RSU1: variants seen among roughly 807,000 people sequenced by gnomAD.
RSU1 encodes the protein Ras suppressor protein 1.
Under a neutral mutation model 31.1 loss-of-function variants are expected in RSU1, and 26 were observed. The observed-to-expected ratio is 0.84, with a 90% CI of 0.61 to 1.16. The LOEUF (loss-of-function observed/expected upper bound fraction) is 1.16. RSU1 is among the 50% of genes most tolerant of loss of function. The pLI is 0.00. For missense variants in RSU1, 320 were observed against 339.1 expected, an observed-to-expected ratio of 0.94 and a Z score of 0.44; for synonymous variants, 164 against 136.3, an observed-to-expected ratio of 1.20 and a Z score of -1.41.
intron 2 of RSU1, among the ~76,000 whole-genome samples, chr10:16,791,072 G>C (rs367744301): frequency 2.8e-4 from 43 of 152,246 alleles, no homozygotes; most frequent in African/African-American, 8.9e-4. Context: ...CAAAGAACTA[G>C]CTGGAGTGCA....
At position 16,811,566 on chromosome 10, in the gene RSU1, G is replaced by A. The variant is rs555294051; in HGVS notation, c.109+5407C>T. Among the ~76,000 whole-genome samples, 1,194 of 152,318 alleles carry A rather than the reference G, an allele frequency of 7.8e-3. 22 individuals are homozygous for A. The highest frequency in any genetic ancestry group is 0.028 in the African/African-American group (1,154 of 41,558). On this transcript the variant is annotated intron_variant, in intron 2 of 8. Coordinates refer to ENST00000345264, the MANE Select transcript of RSU1 (RefSeq NM_012425.4). ...TACAAAAAAGCCACCAGGGCCACTA[G>A]AGCCAGAATGTCAGAGGACTGACAA...
intron 3 of RSU1, among the ~76,000 whole-genome samples, chr10:16,768,022 C>T (rs1294326393): frequency 6.6e-6 from 1 of 152,210 alleles, no homozygotes; most frequent in African/African-American, 2.4e-5. Context: ...TAGATATCTA[C>T]AGGATGCATG....
chr10:16,710,167 T>C (rs1835987828), intron 7 of RSU1, among the ~76,000 whole-genome samples: 1 of 152,226 alleles, frequency 6.6e-6, no homozygotes. Flanking sequence ...TGACATTTAC[T>C]GTGTTAAGGT....
At chr10:16,631,671 T>C (rs898983572) in intron 8 of RSU1, among the ~76,000 whole-genome samples, 23 of 152,358 alleles carry the variant, frequency 1.5e-4, no homozygotes, top group Admixed American at 1.3e-4. Flanking sequence ...TTTTACCTGG[T>C]GGGACAATTC....
At chr10:16,774,210 A>G (rs1470718505) in intron 3 of RSU1, among the ~76,000 whole-genome samples, 1 of 152,220 alleles carries the variant, frequency 6.6e-6, no homozygotes, top group African/African-American at 2.4e-5. Context: ...AAGCAGATTA[A>G]TAAGATGGCA....
At chr10:16,719,858 A>C (rs372611394) in intron 7 of RSU1, among the ~76,000 whole-genome samples, 11 of 152,364 alleles carry the variant, frequency 7.2e-5, no homozygotes, top group African/African-American at 2.4e-4. Flanking sequence ...CCTTAAATGA[A>C]TATCTAACAA....
At chr10:16,607,354 C>A (rs1159107035) in intron 8 of RSU1, among the ~76,000 whole-genome samples, 2 of 152,106 alleles carry the variant, frequency 1.3e-5, no homozygotes, top group Non-Finnish European at 2.9e-5. Context: ...GTCTTTATAG[C>A]AGTGTGAGAA....
At chr10:16,690,829 G>T (rs527459703) in intron 8 of RSU1, among the ~76,000 whole-genome samples, 1 of 152,300 alleles carries the variant, frequency 6.6e-6, no homozygotes, top group South Asian at 2.1e-4. Flanking sequence ...GAAAAAAGCG[G>T]TTGGGGTGGG....
intron 7 of RSU1, among the ~76,000 whole-genome samples, chr10:16,711,336 CA>C (rs34736068): frequency 0.66 from 99,662 of 151,774 alleles, 32,920 homozygotes; most frequent in East Asian, 0.8. Context: ...CTTATCTTTT[CA>C]AAAAAACCAA....
chr10:16,710,012 C>T (rs1375097197), intron 7 of RSU1, among the ~76,000 whole-genome samples: 2 of 152,138 alleles, frequency 1.3e-5, no homozygotes, highest in African/African-American at 2.4e-5. Context: ...CCTTTTATAT[C>T]TTTCTCTTCC....
intron 7 of RSU1, among the ~76,000 whole-genome samples, chr10:16,717,047 G>T (rs1189553453): frequency 6.6e-6 from 1 of 152,162 alleles, no homozygotes; most frequent in Admixed American, 6.5e-5. Context: ...AGGGAAGTAT[G>T]AAACGAAATT....
intron 2 of RSU1, among the ~76,000 whole-genome samples, chr10:16,808,519 C>T (rs995294150): frequency 9.3e-5 from 14 of 150,986 alleles, no homozygotes; most frequent in Non-Finnish European, 1.8e-4. Context: ...AAGTGAACTC[C>T]GTTTCCACCA....
chr10:16,778,721 T>G (rs1190915916), intron 3 of RSU1, among the ~76,000 whole-genome samples: 1 of 149,498 alleles, frequency 6.7e-6, no homozygotes, highest in Non-Finnish European at 1.5e-5. Flanking sequence ...CAGGCAAGAG[T>G]AGATCCTGGG....
intron 8 of RSU1, among the ~76,000 whole-genome samples, chr10:16,664,481 A>C (rs1213401368): frequency 2.0e-5 from 3 of 152,236 alleles, no homozygotes; most frequent in Admixed American, 1.3e-4. Context: ...TCCCAAAATA[A>C]TTGCTGCATC....
chr10:16,649,300 T>C (rs974067292), intron 8 of RSU1, among the ~76,000 whole-genome samples: 2 of 152,202 alleles, frequency 1.3e-5, no homozygotes, highest in Non-Finnish European at 2.9e-5. Flanking sequence ...CTCAGAGATA[T>C]GCATCTTATT....
chr10:16,780,904 C>G (rs537184243), intron 3 of RSU1, among the ~76,000 whole-genome samples: 5 of 152,364 alleles, frequency 3.3e-5, no homozygotes, highest in African/African-American at 7.2e-5. Flanking sequence ...TGCCGTCACT[C>G]TGCCTTTGCC....
At chr10:16,728,301 A>C (rs1205107515) in intron 7 of RSU1, among the ~76,000 whole-genome samples, 1 of 152,216 alleles carries the variant, frequency 6.6e-6, no homozygotes, top group Non-Finnish European at 1.5e-5. Flanking sequence ...ATTAATCATA[A>C]TATCAATATA....
intron 2 of RSU1, among the ~76,000 whole-genome samples, chr10:16,800,715 C>A (rs191196910): frequency 6.6e-6 from 1 of 152,218 alleles, no homozygotes; most frequent in Admixed American, 6.5e-5. Context: ...TTTAAGTTAC[C>A]TGCACTGGCT....
intron 7 of RSU1, among the ~76,000 whole-genome samples, chr10:16,706,522 T>C (rs1361954351): frequency 6.6e-6 from 1 of 152,206 alleles, no homozygotes; most frequent in Non-Finnish European, 1.5e-5. Flanking sequence ...AGATATACAA[T>C]TTACAAATAT....
Sources: gnomAD v4.1 joint callset for allele counts (sites outside exome capture counted in the v4.1 genomes callset) on GRCh38, gnomAD v4.1.1 for gene constraint, MANE v1.5 for transcripts, NCBI Gene and HGNC (gene_info 2026-07-23, HGNC 2026-07-21) for gene names.